The following AGBL1 variants were observed in gnomAD, a reference collection of about 807,000 sequenced individuals.
AGBL1 encodes the protein cytosolic carboxypeptidase 4.
AGBL1 carries 130 observed loss-of-function variants against 118.9 expected under a neutral mutation model. The ratio of observed to expected loss-of-function variants is 1.09; its 90% CI spans 0.95 to 1.26. AGBL1 has a LOEUF of 1.26. Among genes scored for constraint, AGBL1 ranks in the 50% most tolerant of loss-of-function variants. AGBL1 has a pLI of 0.00. For missense variants in AGBL1, 1,584 were observed against 1,298.1 expected (o/e 1.22, Z -3.38); for synonymous variants, 555 against 478.9 (o/e 1.16, Z -2.08).
At chr15:86,735,026 G>A (rs372680366) in intron 22 of AGBL1, among the ~76,000 whole-genome samples, 1 of 149,666 alleles carries the variant, frequency 6.7e-6, no homozygotes, top group African/African-American at 2.5e-5. Context: ...ATGTTCATAG[G>A]CATCATACTC....
chr15:86,602,717 G>T (rs574777468), intron 21 of AGBL1, among the ~76,000 whole-genome samples: 2 of 152,314 alleles, frequency 1.3e-5, no homozygotes, highest in South Asian at 4.1e-4. Flanking sequence ...ATTATTTAAA[G>T]ATCAGGACTT....
chr15:86,780,112 C>T (rs1217070463), intron 22 of AGBL1, among the ~76,000 whole-genome samples: 2 of 152,086 alleles, frequency 1.3e-5, no homozygotes, highest in Non-Finnish European at 2.9e-5. Flanking sequence ...ATTGTCTTAC[C>T]TTTCACATTT....
At chr15:86,941,290 C>T (rs920877330) in intron 23 of AGBL1, among the ~76,000 whole-genome samples, 1 of 152,154 alleles carries the variant, frequency 6.6e-6, no homozygotes, top group Non-Finnish European at 1.5e-5. Flanking sequence ...AAAGCTCAAC[C>T]CTGTCAGGAC....
intron 21 of AGBL1, among the ~76,000 whole-genome samples, chr15:86,616,369 A>T (rs1424318597): frequency 3.3e-5 from 5 of 151,870 alleles, no homozygotes; most frequent in Non-Finnish European, 7.4e-5. Context: ...AAAAAAAAAA[A>T]AAATGAAGAT....
rs866947488 is a variant in AGBL1, at chr15:86,615,575, T to A, written c.2995-58698T>A. Among the ~76,000 whole-genome samples the A allele has an allele frequency of 2.6e-5, 4 of 152,282 alleles. No individual in the cohort carries two copies. Among genetic ancestry groups the A allele is most frequent in the Middle Eastern group, 3.4e-3 (1 of 294 alleles). On this transcript the variant is annotated intron_variant, in intron 21 of 22. Transcript: ENST00000614907. This position sits in a 1 kb window ranked among gnomAD's most constrained non-coding sequence, Gnocchi z 4.3. ...CGCCATCCCGGTGGAGATGGCACAGTGGAGAAGGCAATAAACCTTCCATGG... is the reference window on the plus strand; with the variant it reads ...CGCCATCCCGGTGGAGATGGCACAGAGGAGAAGGCAATAAACCTTCCATGG...
intron 22 of AGBL1, among the ~76,000 whole-genome samples, chr15:86,730,795 A>G (rs531170308): frequency 6.6e-6 from 1 of 152,270 alleles, no homozygotes; most frequent in Non-Finnish European, 1.5e-5. Flanking sequence ...GCAAAAGCAA[A>G]AACTTCAGAT....
chr15:86,182,860 G>A (rs770090892), intron 5 of AGBL1, among the ~76,000 whole-genome samples: 26 of 152,116 alleles, frequency 1.7e-4, no homozygotes, highest in South Asian at 4.1e-4. Flanking sequence ...TACATGTGGC[G>A]TTTGCAGTTT....
At position 86,982,395 on chromosome 15, in the gene AGBL1, T is replaced by TCTTTC. The variant is rs1273852643; in HGVS notation, c.3222-5588_3222-5587insCCTTT. On this transcript the variant is annotated intron_variant, in intron 23 of 24. Coordinates refer to the AGBL1 transcript ENST00000441037. ...TTTAGCTTGTGGTACATTCTTATTT[T>TCTTTC]CTTTTATCTTGTTTTTTTTTTGCTA... Among the ~76,000 whole-genome samples, 7 of 150,946 alleles carry TCTTTC rather than the reference T, an allele frequency of 4.6e-5. No homozygotes were observed. In the East Asian group the frequency reaches 1.3e-3, roughly 29 times the overall value.
chr15:86,270,139 A>G, intron 14 of AGBL1, 72 bp downstream of exon 14: 1 of 1,528,004 alleles, frequency 6.5e-7, no homozygotes, highest in Non-Finnish European at 8.8e-7. Flanking sequence ...TTTGGATTCA[A>G]AGAGCCTTTG....
chr15:86,825,328 A>G lies in AGBL1; in HGVS notation c.3159-81759A>G, dbSNP rs1466320305. 2.1e-5 allele frequency among the ~76,000 whole-genome samples: 3 copies of G among 144,268 alleles called. No homozygotes were observed. The East Asian group carries it at 6.3e-4, about 30-fold the overall frequency. 94.6% of individuals were successfully genotyped at this position (144,268 alleles called of 152,430 possible). A position where few individuals can be genotyped will look rare whatever the true frequency, so the allele number is the denominator to read the frequency against. On this transcript the variant is annotated intron_variant, in intron 22 of 22. Transcript: ENST00000614907. ...TGATAAACTGGGTTTCATCAATATT[A>G]AACACTTTCTTTTTTGTAAAAGACT...
intron 18 of AGBL1, among the ~76,000 whole-genome samples, chr15:86,439,563 A>C (rs1390413397): frequency 6.6e-6 from 1 of 152,248 alleles, no homozygotes; most frequent in Non-Finnish European, 1.5e-5. Context: ...AGGAATGCAT[A>C]AATGAATAAA....
intron 5 of AGBL1, among the ~76,000 whole-genome samples, chr15:86,201,684 C>T (rs1885543999): frequency 1.3e-5 from 2 of 152,152 alleles, no homozygotes; most frequent in South Asian, 4.1e-4. Context: ...GAGAGGGGAG[C>T]ACAATGGAGC....
intron 24 of AGBL1, among the ~76,000 whole-genome samples, chr15:87,015,459 T>C (rs550171963): frequency 1.4e-4 from 21 of 152,186 alleles, no homozygotes; most frequent in African/African-American, 4.8e-4. Context: ...GAATATACTA[T>C]GTGTATAGGT....
In AGBL1 at chr15:86,668,890, T is replaced by A. The variant is rs574220135; in HGVS notation, c.2995-5383T>A. Among the ~76,000 whole-genome samples the A allele has an allele frequency of 1.1e-3, 161 of 152,250 alleles. 1 individual carries two copies. Among genetic ancestry groups the A allele is most frequent in the South Asian group, 1.9e-3 (9 of 4,820 alleles). On this transcript the variant is annotated intron_variant, in intron 21 of 22. Transcript: ENST00000614907. ...GGTAGAGCAGTAAAAATGGGCAAAG[T>A]CTTCATTCATAATTTCTAAACACAG...
intron 17 of AGBL1, among the ~76,000 whole-genome samples, chr15:86,327,151 T>C (rs1448323788): frequency 6.6e-6 from 1 of 152,104 alleles, no homozygotes; most frequent in Non-Finnish European, 1.5e-5. Context: ...TGGGTACTTT[T>C]CCCCAGCAGT....
chr15:86,431,135 C>G (rs532724752), intron 18 of AGBL1, among the ~76,000 whole-genome samples: 1 of 152,066 alleles, frequency 6.6e-6, no homozygotes, highest in East Asian at 1.9e-4. Context: ...GCTAACCCTT[C>G]GTAAGATCCC....
chr15:86,456,662 T>C (rs112664078), intron 18 of AGBL1, among the ~76,000 whole-genome samples: 6 of 152,318 alleles, frequency 3.9e-5, no homozygotes, highest in African/African-American at 1.4e-4. Context: ...TGATAAAAGC[T>C]GCACATTGAT....
At position 86,806,122 on chromosome 15, in the gene AGBL1, C is replaced by T. The variant is rs75502694; in HGVS notation, c.3159-100965C>T. Among the ~76,000 whole-genome samples the T allele has an allele frequency of 5.0e-3, 756 of 152,224 alleles. 2 individuals carry two copies. The highest frequency in any genetic ancestry group is 0.017 in the African/African-American group (721 of 41,544). ...AAGGAAGGGTGGGAGGCCTCCAGAA[C>T]ACAAAGACATATTCCAGAAACTTGG... On this transcript the variant is annotated intron_variant, in intron 22 of 22. Transcript: ENST00000614907.
At chr15:86,542,587 C>T (rs1006314504) in intron 19 of AGBL1, among the ~76,000 whole-genome samples, 3 of 151,964 alleles carry the variant, frequency 2.0e-5, no homozygotes, top group Non-Finnish European at 4.4e-5. Context: ...AGGCTGGTCT[C>T]GAACTCCTGA....
Sources: allele counts gnomAD v4.1 joint callset (sites outside exome capture counted in the v4.1 genomes callset), GRCh38; gene constraint gnomAD v4.1.1; non-coding constraint Gnocchi (gnomAD v3.1); transcripts MANE v1.5; gene names NCBI Gene and HGNC (gene_info 2026-07-23, HGNC 2026-07-21).